The following FANCC variants were observed in gnomAD, a reference collection of about 807,000 sequenced individuals.
FANCC encodes Fanconi anemia group C protein.
In FANCC, 55 loss-of-function variants were observed where a neutral mutation model predicts 71.3. That is an observed-to-expected ratio of 0.77 (90% CI 0.62 to 0.97). The LOEUF is 0.97. Among genes scored for constraint, FANCC ranks in the 50% least tolerant of loss-of-function variants. The pLI, the probability that FANCC is intolerant of heterozygous loss-of-function variation, is 0.00. For synonymous variants in FANCC, 275 were observed against 244.9 expected, an observed-to-expected ratio of 1.12 and a Z score of -1.15; for missense variants, 678 against 670.9, an observed-to-expected ratio of 1.01 and a Z score of -0.12.
At chr9:95,127,350 C>G (rs1019768636) in intron 8 of FANCC, 1 of 152,216 alleles carries the variant, frequency 6.6e-6, no homozygotes, top group African/African-American at 2.4e-5. Flanking sequence ...TCCTTTATAG[C>G]AGGGTCCGTA....
chr9:95,120,510 G>A (rs2134772533), intron 10 of FANCC, among the ~76,000 whole-genome samples: 1 of 151,930 alleles, frequency 6.6e-6, no homozygotes, highest in South Asian at 2.1e-4. Flanking sequence ...CACGTTCTGG[G>A]CTCAAGCAAT....
intron 1 of FANCC, among the ~76,000 whole-genome samples, chr9:95,255,999 G>A (rs926710539): frequency 4.6e-5 from 7 of 151,768 alleles, no homozygotes; most frequent in Non-Finnish European, 7.4e-5. Context: ...AAAATGAAAA[G>A]GAACAAACTA....
intron 1 of FANCC, chr9:95,293,530 A>G: frequency 6.2e-7 from 1 of 1,606,352 alleles, no homozygotes. Flanking sequence ...AATACTTTAC[A>G]AGAACTAGGG....
At chr9:95,139,919 T>G (rs1447958544) in intron 7 of FANCC, among the ~76,000 whole-genome samples, 2 of 150,500 alleles carry the variant, frequency 1.3e-5, no homozygotes, top group Non-Finnish European at 3.0e-5. Flanking sequence ...AAAAAAATGT[T>G]TTTAGGGAAA....
At chr9:95,141,854 A>T (rs1828745872) in intron 7 of FANCC, among the ~76,000 whole-genome samples, 1 of 152,178 alleles carries the variant, frequency 6.6e-6, no homozygotes, top group Admixed American at 6.5e-5. Flanking sequence ...TTAAGCTTAC[A>T]TCTGGTTTTA....
rs1554869910 is a variant in FANCC, at chr9:95,291,965, A to ATAT, written c.-79+25560_-79+25561insATA. Among the ~76,000 whole-genome samples the ATAT allele has an allele frequency of 5.3e-3, 448 of 84,230 alleles. 1 individual carries two copies. Among genetic ancestry groups the ATAT allele is most frequent in the Non-Finnish European group, 7.8e-3 (322 of 41,472 alleles). The allele number at this position is 84,230 out of a possible 152,430, so 55.3% of individuals were successfully genotyped here. On this transcript the variant is annotated intron_variant, in intron 1 of 14. Coordinates refer to ENST00000289081, the MANE Select transcript of FANCC (RefSeq NM_000136.3). ...TCTGTCTCAAAAAAAAAAAAAAAAAAAAATATATATATATATATATATATA... is the reference window on the plus strand; with the variant it reads ...TCTGTCTCAAAAAAAAAAAAAAAAAATATAAATATATATATATATATATATATA...
intron 8 of FANCC, among the ~76,000 whole-genome samples, chr9:95,128,457 T>A (rs879678623): frequency 4.6e-5 from 7 of 152,210 alleles, no homozygotes; most frequent in Admixed American, 1.3e-4. Flanking sequence ...TTCTAAATGG[T>A]CAAACTATCC....
In FANCC at chr9:95,265,568, T is replaced by C. The variant is rs531954677; in HGVS notation, c.-78-16199A>G. On this transcript the variant is annotated intron_variant, in intron 1 of 14. Coordinates refer to ENST00000289081, the MANE Select transcript of FANCC (RefSeq NM_000136.3). ...CTATTACAATCATTACTTCCTTTCCTTGCGTTTCTTGTCCTCACTTCACTT... is the reference window on the plus strand; with the variant it reads ...CTATTACAATCATTACTTCCTTTCCCTGCGTTTCTTGTCCTCACTTCACTT... Among the ~76,000 whole-genome samples, 6 of 152,328 alleles carry C rather than the reference T, an allele frequency of 3.9e-5. No homozygotes were observed. The South Asian group carries it at 8.3e-4, about 21-fold the overall frequency.
At chr9:95,237,036 G>C (rs745700141) in intron 4 of FANCC, among the ~76,000 whole-genome samples, 3 of 152,178 alleles carry the variant, frequency 2.0e-5, no homozygotes, top group Non-Finnish European at 4.4e-5. Context: ...TGTACTGACT[G>C]ATGATGGGCA....
At chr9:95,208,076 CCTTTTTTTTT>C in intron 4 of FANCC, among the ~76,000 whole-genome samples, 1 of 117,492 alleles carries the variant, frequency 8.5e-6, no homozygotes, top group South Asian at 2.8e-4. Flanking sequence ...AATCCAGAAG[CCTTTTTTTTT>C]TTTTTTTTTT....
At chr9:95,194,967 A>C (rs1198573129) in intron 4 of FANCC, among the ~76,000 whole-genome samples, 1 of 152,130 alleles carries the variant, frequency 6.6e-6, no homozygotes, top group Non-Finnish European at 1.5e-5. Flanking sequence ...TGGGAGGCTG[A>C]GGCAGACAGA....
chr9:95,131,340 GC>G (rs1363663200), intron 8 of FANCC, among the ~76,000 whole-genome samples: 2 of 152,136 alleles, frequency 1.3e-5, no homozygotes, highest in Non-Finnish European at 2.9e-5. Flanking sequence ...AAGCTCCTCA[GC>G]CCCCTGCTGC....
intron 1 of FANCC, among the ~76,000 whole-genome samples, chr9:95,312,247 T>C (rs1026178030): frequency 1.3e-5 from 2 of 152,260 alleles, no homozygotes; most frequent in East Asian, 3.8e-4. Flanking sequence ...TCACCACTCA[T>C]GATTTCTTGA....
At chr9:95,300,116 A>G (rs964653577) in intron 1 of FANCC, among the ~76,000 whole-genome samples, 10 of 152,222 alleles carry the variant, frequency 6.6e-5, no homozygotes, top group African/African-American at 1.9e-4. Context: ...AAAAAAGGAA[A>G]TAAGTTCCTT....
rs4647530 is a variant in FANCC at position 95,113,196 on chromosome 9, C to T, written c.1154+1433G>A. Among the ~76,000 whole-genome samples, 1,517 of 152,264 alleles carry T rather than the reference C, an allele frequency of 1.0e-2. 17 individuals are homozygous for T. Among genetic ancestry groups the T allele is most frequent in the South Asian group, 0.016 (78 of 4,820 alleles). Reference sequence around the variant, plus strand: ...CAGGCCTTTTTTGTCTGGTCTCTGTCGGTAAGAATCATGGTGAGGAAGGAG... The same window carrying T: ...CAGGCCTTTTTTGTCTGGTCTCTGTTGGTAAGAATCATGGTGAGGAAGGAG... On this transcript the variant is annotated intron_variant, in intron 12 of 14. Coordinates refer to ENST00000289081, the MANE Select transcript of FANCC (RefSeq NM_000136.3).
intron 7 of FANCC, among the ~76,000 whole-genome samples, chr9:95,135,830 C>T (rs914410826): frequency 1.3e-5 from 2 of 152,128 alleles, no homozygotes; most frequent in African/African-American, 2.4e-5. Context: ...ATGCCCAGTC[C>T]CTAACTGAAG....
At chr9:95,289,457 A>G (rs1311941886) in intron 1 of FANCC, among the ~76,000 whole-genome samples, 1 of 152,138 alleles carries the variant, frequency 6.6e-6, no homozygotes, top group Non-Finnish European at 1.5e-5. Context: ...ACAAAAAGGT[A>G]GTCATCTTTC....
chr9:95,282,671 A>G (rs1833446103), intron 1 of FANCC, among the ~76,000 whole-genome samples: 1 of 152,234 alleles, frequency 6.6e-6, no homozygotes, highest in South Asian at 2.1e-4. Flanking sequence ...TCCAGTATAA[A>G]TCATATGTTA....
intron 4 of FANCC, among the ~76,000 whole-genome samples, chr9:95,177,082 T>C (rs1826053064): frequency 6.6e-6 from 1 of 152,274 alleles, no homozygotes; most frequent in African/African-American, 2.4e-5. Context: ...CTGGGATACA[T>C]TCTGAGAAAT....
Sources: allele counts gnomAD v4.1 joint callset (sites outside exome capture counted in the v4.1 genomes callset), GRCh38; gene constraint gnomAD v4.1.1; transcripts MANE v1.5; gene names NCBI Gene and HGNC (gene_info 2026-07-23, HGNC 2026-07-21).